Variants in UGT1A7 observed in about 807,000 individuals in gnomAD.
The protein encoded by UGT1A7 is UDP-glucuronosyltransferase 1A7.
Under a neutral mutation model 45.6 loss-of-function variants are expected in UGT1A7, and 33 were observed. That is an observed-to-expected ratio of 0.72 (90% CI 0.55 to 0.97). The LOEUF is 0.97. UGT1A7 is among the 50% of genes least tolerant of loss of function. The pLI is 0.00. For missense variants in UGT1A7, 684 were observed against 666.2 expected (o/e 1.03, Z -0.29); for synonymous variants, 274 against 250.6 (o/e 1.09, Z -0.88).
At chr2:233,730,261 T>C (rs1457802984) in intron 1 of UGT1A7, among the ~76,000 whole-genome samples, 1 of 152,074 alleles carries the variant, frequency 6.6e-6, no homozygotes, top group East Asian at 1.9e-4. Context: ...ATAGAGACTG[T>C]TGGTTTGTAA....
intron 1 of UGT1A7, among the ~76,000 whole-genome samples, chr2:233,734,813 G>C (rs1170913968): frequency 6.6e-6 from 1 of 152,218 alleles, no homozygotes; most frequent in Non-Finnish European, 1.5e-5. Flanking sequence ...TTTCCATGTA[G>C]TTGTGCGATT....
chr2:233,737,046 A>C (rs1237112865), intron 1 of UGT1A7, among the ~76,000 whole-genome samples: 1 of 152,204 alleles, frequency 6.6e-6, no homozygotes, highest in Non-Finnish European at 1.5e-5. Context: ...CAAATGCCAT[A>C]CTAGGAGAAC....
chr2:233,691,372 G>A, intron 1 of UGT1A7: 5 of 985,552 alleles, frequency 5.1e-6, no homozygotes, highest in Non-Finnish European at 6.0e-6. Flanking sequence ...TTTGCATCCT[G>A]GTTATGTTCC....
intron 1 of UGT1A7, among the ~76,000 whole-genome samples, chr2:233,714,159 T>G (rs1363144328): frequency 6.6e-6 from 1 of 152,178 alleles, no homozygotes; most frequent in Non-Finnish European, 1.5e-5. Flanking sequence ...TGGCTGTGGA[T>G]GTGCTTCAGC....
intron 1 of UGT1A7, chr2:233,718,623 G>A (rs1281711935): frequency 9.0e-6 from 8 of 892,530 alleles, no homozygotes; most frequent in Non-Finnish European, 1.1e-5. Context: ...AGGCGTGATT[G>A]GTCTTTCCCA....
intron 1 of UGT1A7, among the ~76,000 whole-genome samples, chr2:233,711,833 G>T (rs961269951): frequency 6.6e-6 from 1 of 152,218 alleles, no homozygotes; most frequent in African/African-American, 2.4e-5. Flanking sequence ...GGACAAGGAG[G>T]CGTCAGCAAT....
intron 1 of UGT1A7, among the ~76,000 whole-genome samples, chr2:233,739,452 G>A (rs115541121): frequency 6.6e-6 from 1 of 152,196 alleles, no homozygotes; most frequent in Non-Finnish European, 1.5e-5. Flanking sequence ...AAGCCACAGG[G>A]TTGGAGCTGC....
At chr2:233,753,608 G>C (rs980639486) in intron 1 of UGT1A7, 1 of 152,136 alleles carries the variant, frequency 6.6e-6, no homozygotes, top group Non-Finnish European at 1.5e-5. Flanking sequence ...TGCCCCAAAA[G>C]GTCTTCATTT....
At chr2:233,743,389 C>G (rs1429272187) in intron 1 of UGT1A7, 2 of 1,242,542 alleles carry the variant, frequency 1.6e-6, no homozygotes, top group Non-Finnish European at 2.1e-6. Context: ...GTAGGACATG[C>G]AGAAGGAAGA....
intron 1 of UGT1A7, among the ~76,000 whole-genome samples, chr2:233,699,349 C>A (rs951769721): frequency 6.6e-6 from 1 of 152,184 alleles, no homozygotes; most frequent in African/African-American, 2.4e-5. Context: ...TAGGGCTAAC[C>A]TCTTTTCTTA....
chr2:233,763,255 TTTGTC>T (rs2126002913), intron 1 of UGT1A7, among the ~76,000 whole-genome samples: 2 of 152,364 alleles, frequency 1.3e-5, no homozygotes, highest in Non-Finnish European at 2.9e-5. Context: ...AGTAACCTGT[TTTGTC>T]TTGTTGCATG....
intron 1 of UGT1A7, among the ~76,000 whole-genome samples, chr2:233,685,891 T>G (rs1232719530): frequency 6.6e-6 from 1 of 152,232 alleles, no homozygotes; most frequent in Non-Finnish European, 1.5e-5. Context: ...TTCTTTAATA[T>G]TATCTCATTT....
At chr2:233,702,524 C>A (rs2075691177) in intron 1 of UGT1A7, among the ~76,000 whole-genome samples, 1 of 152,076 alleles carries the variant, frequency 6.6e-6, no homozygotes, top group Non-Finnish European at 1.5e-5. Context: ...AGAGGAGATT[C>A]TTATCTTGTT....
Position 233,744,108 on chromosome 2 carries a change from T to A in UGT1A7, c.856-22926T>A, listed in dbSNP as rs537609237. 59 of 394,748 alleles carry A rather than the reference T, an allele frequency of 1.5e-4. No individual in the cohort carries two copies. The East Asian group carries it at 2.4e-3, about 16-fold the overall frequency. The allele number at this position is 394,748 out of a possible 1,614,324, so 24.5% of individuals were successfully genotyped here. On this transcript the variant is annotated intron_variant, in intron 1 of 4. Coordinates refer to ENST00000373426, the MANE Select transcript of UGT1A7 (RefSeq NM_019077.3). ...GATGCAGTGCTTCTGGGACTGGCCC[T>A]GCTCTCTGTGAGGCTCTGTGAGGCC...
At chr2:233,727,965 GGT>G (rs2077670166) in intron 1 of UGT1A7, among the ~76,000 whole-genome samples, 2 of 152,222 alleles carry the variant, frequency 1.3e-5, no homozygotes, top group South Asian at 4.1e-4. Context: ...ATCATCCTGA[GGT>G]GACCAGGACA....
chr2:233,715,087 T>C (rs2076431912), intron 1 of UGT1A7, among the ~76,000 whole-genome samples: 1 of 152,132 alleles, frequency 6.6e-6, no homozygotes, highest in Non-Finnish European at 1.5e-5. Context: ...AGTTTCATCA[T>C]ATTGGCCAGG....
chr2:233,755,827 T>C (rs1696034290), intron 1 of UGT1A7: 1 of 152,236 alleles, frequency 6.6e-6, no homozygotes, highest in Admixed American at 6.5e-5. Flanking sequence ...AAAAGACATA[T>C]TCATTGGGCA....
At chr2:233,747,423 CAA>C (rs113576188) in intron 1 of UGT1A7, 84,087 of 1,608,036 alleles carry the variant, frequency 0.052, 2,713 homozygotes, top group Non-Finnish European at 0.063. Context: ...GCACATCAAA[CAA>C]GAGAAATTTT....
At chr2:233,705,136 GAA>G (rs11336071) in intron 1 of UGT1A7, among the ~76,000 whole-genome samples, 35 of 142,664 alleles carry the variant, frequency 2.5e-4, no homozygotes, top group African/African-American at 2.6e-4. Flanking sequence ...GACTTCGTCT[GAA>G]AAAAAAAAAA....
Sources: allele counts gnomAD v4.1 joint callset (sites outside exome capture counted in the v4.1 genomes callset), GRCh38; gene constraint gnomAD v4.1.1; transcripts MANE v1.5; gene names NCBI Gene and HGNC (gene_info 2026-07-23, HGNC 2026-07-21).